PPP4R2: variants seen among roughly 807,000 people sequenced by gnomAD.
PPP4R2 encodes the protein serine/threonine-protein phosphatase 4 regulatory subunit 2.
A neutral mutation model predicts 47.2 loss-of-function variants in PPP4R2; 13 were observed. That is an observed-to-expected ratio of 0.28 (90% CI 0.18 to 0.44). The LOEUF (loss-of-function observed/expected upper bound fraction) is 0.44. Among genes scored for constraint, PPP4R2 ranks in the 20% least tolerant of loss-of-function variants. The probability of loss-of-function intolerance (pLI) is 1.00; values close to 1 mark genes in which losing one functional copy is unlikely to be tolerated. For missense variants in PPP4R2, 421 were observed against 491.2 expected (o/e 0.86, Z 1.35); for synonymous variants, 151 against 163.3 (o/e 0.92, Z 0.57).
chr3:73,065,848 T>C lies in PPP4R2; in HGVS notation c.*126T>C. On this transcript the variant is annotated 3_prime_UTR_variant, in exon 9 of 9. Coordinates refer to ENST00000356692, the MANE Select transcript of PPP4R2 (RefSeq NM_174907.4). ...AAGCAGGTTGTAAAATAAAGTACTT[T>C]ATGGATAATTCCTGAAAGAGTTGTA... is the stretch of plus-strand genomic sequence containing the variant. 3.3e-6 allele frequency: 2 copies of C among 613,216 alleles called. No individual in the cohort carries two copies. The highest frequency in any genetic ancestry group is 5.6e-6 in the Non-Finnish European group (2 of 359,824). 38.0% of individuals were successfully genotyped at this position (613,216 alleles called of 1,614,324 possible).
intron 1 of PPP4R2, 137 bp downstream of exon 1, chr3:72,997,208 A>C: frequency 1.7e-6 from 1 of 579,308 alleles, no homozygotes; most frequent in Non-Finnish European, 2.7e-6. Context: ...ATCCCCCTCC[A>C]CCTCCCCAGG....
At chr3:73,008,895 T>TA (rs1301909321) in intron 2 of PPP4R2, among the ~76,000 whole-genome samples, 9 of 152,186 alleles carry the variant, frequency 5.9e-5, no homozygotes, top group African/African-American at 1.9e-4. Context: ...ATCACGTAGT[T>TA]ACTATATGAC....
chr3:73,059,012 A>G (rs772245807), intron 3 of PPP4R2, 25 bp from the exon 4 acceptor site: 3 of 1,360,144 alleles, frequency 2.2e-6, no homozygotes, highest in African/African-American at 2.9e-5. Flanking sequence ...GTGATCTCAC[A>G]CTGTAAAATT....
chr3:73,062,689 C>T (rs1359671623), intron 5 of PPP4R2: 2 of 1,613,968 alleles, frequency 1.2e-6, no homozygotes, highest in Non-Finnish European at 1.7e-6. Flanking sequence ...AAGATTTGCA[C>T]CAGCAGTCTC....
At chr3:73,042,395 C>T (rs144950788) in intron 2 of PPP4R2, among the ~76,000 whole-genome samples, 2,435 of 131,336 alleles carry the variant, frequency 0.019, 42 homozygotes, top group African/African-American at 0.046. Context: ...GATGGAGTCT[C>T]GCTGTGTCAC....
intron 3 of PPP4R2, among the ~76,000 whole-genome samples, chr3:73,050,616 C>T (rs1435684464): frequency 6.6e-6 from 1 of 152,092 alleles, no homozygotes; most frequent in Non-Finnish European, 1.5e-5. Context: ...AAAAGATCCC[C>T]ACTGTTACAG....
At chr3:73,035,214 G>T (rs1204289912) in intron 2 of PPP4R2, among the ~76,000 whole-genome samples, 1 of 152,110 alleles carries the variant, frequency 6.6e-6, no homozygotes, top group Non-Finnish European at 1.5e-5. Flanking sequence ...ACGATGAGAT[G>T]TTATACACCC....
At chr3:73,052,242 T>TTTC (rs1382159833) in intron 3 of PPP4R2, among the ~76,000 whole-genome samples, 1 of 36,224 alleles carries the variant, frequency 2.8e-5, no homozygotes, top group African/African-American at 1.5e-4. Context: ...AATTTCTTTC[T>TTTC]TTTCTTTTTT....
At chr3:73,043,421 A>G (rs979417241) in intron 2 of PPP4R2, among the ~76,000 whole-genome samples, 2 of 152,230 alleles carry the variant, frequency 1.3e-5, no homozygotes, top group African/African-American at 4.8e-5. Context: ...CATTTTTAAA[A>G]GTAATAGCAT....
intron 2 of PPP4R2, among the ~76,000 whole-genome samples, chr3:73,038,779 G>A (rs1007498447): frequency 1.3e-5 from 2 of 152,142 alleles, no homozygotes; most frequent in Non-Finnish European, 2.9e-5. Context: ...TGAATCTTTA[G>A]GCATTTTTAG....
chr3:73,011,770 C>T (rs908737888), intron 2 of PPP4R2, among the ~76,000 whole-genome samples: 2 of 147,186 alleles, frequency 1.4e-5, no homozygotes, highest in African/African-American at 5.1e-5. Flanking sequence ...GAGACTGATA[C>T]GTGTATTTTA....
chr3:73,059,158 T>G (rs771243680), intron 4 of PPP4R2, 28 bp downstream of exon 4: 8 of 1,150,444 alleles, frequency 7.0e-6, no homozygotes, highest in Non-Finnish European at 1.0e-5. Context: ...GGAATTATAT[T>G]ATGCTGTGGT....
At chr3:73,026,915 T>A (rs950417803) in intron 2 of PPP4R2, among the ~76,000 whole-genome samples, 1 of 152,160 alleles carries the variant, frequency 6.6e-6, no homozygotes, top group Non-Finnish European at 1.5e-5. Flanking sequence ...GCCCTGTTAC[T>A]TATTACCTGT....
chr3:73,012,499 C>T (rs1359028443), intron 2 of PPP4R2, among the ~76,000 whole-genome samples: 1 of 152,140 alleles, frequency 6.6e-6, no homozygotes, highest in Non-Finnish European at 1.5e-5. Flanking sequence ...GACTGTGTTT[C>T]ACCATGTTAG....
At chr3:73,007,649 C>T (rs1392161734) in intron 2 of PPP4R2, among the ~76,000 whole-genome samples, 1 of 151,940 alleles carries the variant, frequency 6.6e-6, no homozygotes, top group Admixed American at 6.6e-5. Flanking sequence ...CCACCACGCC[C>T]AGTTAATTTT....
At chr3:73,053,692 G>A (rs1310766690) in intron 3 of PPP4R2, among the ~76,000 whole-genome samples, 1 of 151,392 alleles carries the variant, frequency 6.6e-6, no homozygotes, top group Non-Finnish European at 1.5e-5. Flanking sequence ...GGCGGATCAT[G>A]AGGTCAGGAG....
At chr3:73,002,901 C>T (rs1701507622) in intron 2 of PPP4R2, among the ~76,000 whole-genome samples, 1 of 151,838 alleles carries the variant, frequency 6.6e-6, no homozygotes, top group African/African-American at 2.4e-5. Flanking sequence ...CTTGGCCTCC[C>T]AAAGTGCTGG....
intron 2 of PPP4R2, among the ~76,000 whole-genome samples, chr3:73,006,175 T>C (rs977714315): frequency 6.7e-6 from 1 of 149,840 alleles, no homozygotes; most frequent in African/African-American, 2.5e-5. Flanking sequence ...AGATGCATCG[T>C]ATGAATATGC....
rs556050658 is a variant in PPP4R2 at position 73,024,105 on chromosome 3, A to G, written c.117-23081A>G. On this transcript the variant is annotated intron_variant, in intron 2 of 8. Coordinates refer to ENST00000356692, the MANE Select transcript of PPP4R2 (RefSeq NM_174907.4). ...TTGGCTGAAATGAACAGCCTTTTTC[A>G]GACTAGAAACTTAAATTCATAAATA... is the stretch of plus-strand genomic sequence containing the variant. Among the ~76,000 whole-genome samples, 62 of 152,266 alleles carry G rather than the reference A, an allele frequency of 4.1e-4. No homozygotes were observed. The South Asian group carries it at 7.0e-3, about 17-fold the overall frequency.
Sources: gnomAD v4.1 joint callset for allele counts (sites outside exome capture counted in the v4.1 genomes callset) on GRCh38, gnomAD v4.1.1 for gene constraint, MANE v1.5 for transcripts, NCBI Gene and HGNC (gene_info 2026-07-23, HGNC 2026-07-21) for gene names.